CLSTN1: variants seen among roughly 807,000 people sequenced by gnomAD.
CLSTN1 encodes calsyntenin 1, also known as calsyntenin-1.
A neutral mutation model predicts 108.3 loss-of-function variants in CLSTN1; 28 were observed. The ratio of observed to expected loss-of-function variants is 0.26; its 90% CI spans 0.19 to 0.35. The LOEUF is 0.35. Among genes scored for constraint, CLSTN1 ranks in the 10% least tolerant of loss-of-function variants. The pLI, the probability that CLSTN1 is intolerant of heterozygous loss-of-function variation, is 1.00. For synonymous variants in CLSTN1, 524 were observed against 534.9 expected (o/e 0.98, Z 0.28); for missense variants, 1,157 against 1,302.6 (o/e 0.89, Z 1.72).
At chr1:9,771,923 A>G (rs1436965359) in intron 2 of CLSTN1, among the ~76,000 whole-genome samples, 2 of 150,740 alleles carry the variant, frequency 1.3e-5, no homozygotes, top group Non-Finnish European at 2.9e-5. Context: ...AAATTAACAT[A>G]TGTTTCATAC....
intron 1 of CLSTN1, among the ~76,000 whole-genome samples, chr1:9,795,013 G>T (rs1264416778): frequency 7.1e-6 from 1 of 141,288 alleles, no homozygotes; most frequent in African/African-American, 2.8e-5. Context: ...ATCCATGAAG[G>T]CTAATCAGAA....
At chr1:9,814,326 C>T (rs1420179259) in intron 1 of CLSTN1, among the ~76,000 whole-genome samples, 1 of 150,588 alleles carries the variant, frequency 6.6e-6, no homozygotes, top group Non-Finnish European at 1.5e-5. Flanking sequence ...ATGGGCAGAT[C>T]GCTTGAACCT....
intron 1 of CLSTN1, among the ~76,000 whole-genome samples, chr1:9,790,520 T>C (rs1653714975): frequency 6.6e-6 from 1 of 151,476 alleles, no homozygotes; most frequent in African/African-American, 2.4e-5. Context: ...CATTGTTTGA[T>C]TTGATTTTTG....
Position 9,733,387 on chromosome 1 carries a change from A to T in CLSTN1, c.2427+14T>A. 3.7e-6 allele frequency: 6 copies of T among 1,614,020 alleles called. No homozygotes were observed. The South Asian group carries it at 6.6e-5, about 18-fold the overall frequency. On this transcript the variant is annotated intron_variant, in intron 16 of 18. Transcript: ENST00000377298. ...GCTGCTATTGGCCCTGCTCAGTGGG[A>T]GCCTTGTACTCACCTCCACCTTAAA...
intron 1 of CLSTN1, among the ~76,000 whole-genome samples, chr1:9,801,715 C>T (rs1380079378): frequency 6.6e-6 from 1 of 152,150 alleles, no homozygotes; most frequent in African/African-American, 2.4e-5. Flanking sequence ...CCACCATGCC[C>T]GGCTAACTTT....
At chr1:9,781,282 G>A in intron 1 of CLSTN1, 2 of 701,236 alleles carry the variant, frequency 2.9e-6, no homozygotes, top group South Asian at 3.4e-5. Flanking sequence ...AGCTCTGCAA[G>A]AGGATTTAAA....
At chr1:9,732,204 T>C (rs1052660519) in intron 16 of CLSTN1, among the ~76,000 whole-genome samples, 1 of 152,202 alleles carries the variant, frequency 6.6e-6, no homozygotes, top group Non-Finnish European at 1.5e-5. Context: ...TTAGTATTTG[T>C]TGAGACTGGG....
At chr1:9,788,867 C>CAAAAA (rs56093052) in intron 1 of CLSTN1, among the ~76,000 whole-genome samples, 1 of 76,272 alleles carries the variant, frequency 1.3e-5, no homozygotes. Context: ...GACTCCGTCT[C>CAAAAA]AAAAAAAAAA....
chr1:9,778,731 G>A (rs1653079393), intron 1 of CLSTN1, among the ~76,000 whole-genome samples: 1 of 152,122 alleles, frequency 6.6e-6, no homozygotes, highest in Non-Finnish European at 1.5e-5. Flanking sequence ...AAGAGAATAA[G>A]GGGCCGGATG....
intron 12 of CLSTN1, 98 bp downstream of exon 12, chr1:9,735,787 G>C (rs879597698): frequency 2.2e-5 from 34 of 1,514,988 alleles, no homozygotes; most frequent in South Asian, 1.8e-4. Context: ...AACAGTAAAC[G>C]TATCAATCAC....
chr1:9,739,651 C>T (rs1386601089), intron 10 of CLSTN1, among the ~76,000 whole-genome samples: 4 of 151,976 alleles, frequency 2.6e-5, no homozygotes, highest in African/African-American at 4.8e-5. Context: ...TGAGATCAGC[C>T]TGGGCAACAC....
chr1:9,779,483 G>A (rs1413120733), intron 1 of CLSTN1, among the ~76,000 whole-genome samples: 1 of 152,136 alleles, frequency 6.6e-6, no homozygotes, highest in African/African-American at 2.4e-5. Flanking sequence ...CTTGAACCCG[G>A]GAGGTGGAGG....
intron 16 of CLSTN1, 84 bp from the exon 17 acceptor site, chr1:9,731,980 G>T: frequency 1.3e-6 from 2 of 1,550,450 alleles, no homozygotes; most frequent in South Asian, 1.1e-5. Context: ...CAGCTGGCAT[G>T]ACCAGTGCCA....
Position 9,749,511 on chromosome 1 carries a change from T to G in CLSTN1, c.935A>C (p.Lys312Thr). Residue 312 changes from lysine to threonine, a missense_variant, in exon 7 of 19, where the codon AAA becomes ACA. Transcript: ENST00000377298. ...TGAGTAGGTGTCTCGGTCGCAGCCT[T>G]TCCCTATGTGGCTGGTTTCTAGCTC... is the stretch of plus-strand genomic sequence containing the variant. ...TVELETSHIGKGCDRDTYSEK... is the reference protein window; with the variant it reads ...TVELETSHIGTGCDRDTYSEK... The G allele has an allele frequency of 6.2e-7, 1 of 1,614,182 alleles. No individual in the cohort carries two copies. Among genetic ancestry groups the G allele is most frequent in the Middle Eastern group, 1.6e-4 (1 of 6,062 alleles).
intron 1 of CLSTN1, among the ~76,000 whole-genome samples, chr1:9,809,380 T>G (rs1309205456): frequency 6.6e-6 from 1 of 152,210 alleles, no homozygotes. Context: ...GTCAGGCTCC[T>G]GTGCACACCA....
chr1:9,763,370 T>C (rs1361921801), intron 2 of CLSTN1, among the ~76,000 whole-genome samples: 1 of 152,192 alleles, frequency 6.6e-6, no homozygotes, highest in East Asian at 1.9e-4. Context: ...GTGCCAAAAA[T>C]GGTCTGTGAC....
chr1:9,756,995 GTC>G (rs1651846648), intron 2 of CLSTN1, among the ~76,000 whole-genome samples: 1 of 151,682 alleles, frequency 6.6e-6, no homozygotes, highest in African/African-American at 2.4e-5. Context: ...AGCCAGGATG[GTC>G]TCGATCTCCT....
Position 9,781,238 on chromosome 1 carries a change from T to C in CLSTN1, c.92-7844A>G, listed in dbSNP as rs1405843062. 6.5e-6 allele frequency: 5 copies of C among 766,432 alleles called. No homozygotes were observed. In the African/African-American group the frequency reaches 8.7e-5, roughly 13 times the overall value. The allele number at this position is 766,432 out of a possible 1,614,324, so 47.5% of individuals were successfully genotyped here. ...AAAGGCTGCTGAAAATATGACAAGC[T>C]GATTTTCTGGGGAAATTCTGATGAG... is the stretch of plus-strand genomic sequence containing the variant. On this transcript the variant is annotated intron_variant, in intron 1 of 18. Transcript: ENST00000377298.
chr1:9,734,226 A>G lies in CLSTN1; in HGVS notation c.2111-84T>C. The G allele has an allele frequency of 7.3e-7, 1 of 1,368,798 alleles. No individual in the cohort carries two copies. The highest frequency in any genetic ancestry group is 1.4e-5 in the African/African-American group (1 of 69,570). The allele number at this position is 1,368,798 out of a possible 1,614,324, so 84.8% of individuals were successfully genotyped here. A position where few individuals can be genotyped will look rare whatever the true frequency, so the allele number is the denominator to read the frequency against. Reference sequence around the variant, plus strand: ...GGCACACTGGATGCCCTGCCGGCTCACCCCAAACCTACATGGCTCTCGTAA... The same window carrying G: ...GGCACACTGGATGCCCTGCCGGCTCGCCCCAAACCTACATGGCTCTCGTAA... On this transcript the variant is annotated intron_variant, in intron 14 of 18. Coordinates refer to ENST00000377298, the MANE Select transcript of CLSTN1 (RefSeq NM_001009566.3). The surrounding 1 kb of genome is among the most constrained non-coding windows in gnomAD (Gnocchi z 4.8).
Sources: allele counts gnomAD v4.1 joint callset (sites outside exome capture counted in the v4.1 genomes callset), GRCh38; gene constraint gnomAD v4.1.1; non-coding constraint Gnocchi (gnomAD v3.1); transcripts MANE v1.5; gene names NCBI Gene and HGNC (gene_info 2026-07-23, HGNC 2026-07-21).